The following NSUN4 variants were observed in gnomAD, a reference collection of about 807,000 sequenced individuals.
NSUN4 encodes the protein 5-cytosine rRNA methyltransferase NSUN4.
Under a neutral mutation model 43.8 loss-of-function variants are expected in NSUN4, and 31 were observed. That is an observed-to-expected ratio of 0.71 (90% CI 0.53 to 0.96). The LOEUF (loss-of-function observed/expected upper bound fraction) is 0.96, where lower values mean the gene tolerates loss of function less well. NSUN4 is among the 40% of genes least tolerant of loss of function. The pLI, the probability that NSUN4 is intolerant of heterozygous loss-of-function variation, is 0.00. For missense variants in NSUN4, 439 were observed against 475.6 expected (o/e 0.92, Z 0.72); for synonymous variants, 167 against 184.1 (o/e 0.91, Z 0.75).
intron 3 of NSUN4, among the ~76,000 whole-genome samples, chr1:46,349,824 T>G (rs1248124783): frequency 6.6e-6 from 1 of 152,190 alleles, no homozygotes; most frequent in Non-Finnish European, 1.5e-5. Flanking sequence ...GACTGAATGC[T>G]GTGGGAATCC....
intron 3 of NSUN4, among the ~76,000 whole-genome samples, chr1:46,352,136 GA>G (rs1466694319): frequency 6.8e-6 from 1 of 146,486 alleles, no homozygotes; most frequent in Non-Finnish European, 1.5e-5. Context: ...CAGACTCAGA[GA>G]CCCTGTCTTT....
At chr1:46,379,530 G>A in the NSUN4 span, among the ~76,000 whole-genome samples, 20 of 152,112 alleles carry the variant, frequency 1.3e-4, no homozygotes, top group African/African-American at 2.7e-4. Flanking sequence ...CAGGAGAATC[G>A]CTTGAACTTG....
At chr1:46,365,539 G>A (rs542690419), downstream of NSUN4, among the ~76,000 whole-genome samples, 7 of 151,888 alleles carry the variant, frequency 4.6e-5, no homozygotes, top group Middle Eastern at 3.4e-3. Flanking sequence ...ACGGGGTTTC[G>A]CCATGTTGGC....
At chr1:46,342,377 A>C in intron 1 of NSUN4, 1 of 398,844 alleles carries the variant, frequency 2.5e-6, no homozygotes, top group Non-Finnish European at 4.4e-6. Flanking sequence ...CTCCCAGCTC[A>C]CCTCAGGAGG....
chr1:46,348,189 A>G (rs1662664347), intron 3 of NSUN4, among the ~76,000 whole-genome samples: 1 of 151,870 alleles, frequency 6.6e-6, no homozygotes, highest in African/African-American at 2.4e-5. Flanking sequence ...CCCTTGTGTC[A>G]AGTACTCACT....
chr1:46,343,489 G>A (rs191638634), intron 1 of NSUN4: 340 of 399,586 alleles, frequency 8.5e-4, no homozygotes, highest in Non-Finnish European at 1.3e-3. Context: ...ACCAATCCCA[G>A]CTGTAGTTCG....
intron 4 of NSUN4, among the ~76,000 whole-genome samples, chr1:46,358,398 A>ATTTTTTTTTTTTTTTTTTTTTTTT (rs34719174): frequency 2.1e-5 from 2 of 95,456 alleles, no homozygotes. Context: ...TCCTGGCCTA[A>ATTTTTTTTTTTTTTTTTTTTTTTT]TTTTTTTTTT....
At chr1:46,380,305 G>T in the NSUN4 span, among the ~76,000 whole-genome samples, 1 of 152,188 alleles carries the variant, frequency 6.6e-6, no homozygotes, top group Non-Finnish European at 1.5e-5. Flanking sequence ...ACTTACCAGG[G>T]TCTGCTAGAG....
At chr1:46,358,560 C>A (rs1663569026) in intron 4 of NSUN4, among the ~76,000 whole-genome samples, 1 of 151,690 alleles carries the variant, frequency 6.6e-6, no homozygotes, top group Non-Finnish European at 1.5e-5. Context: ...TGCCACCACA[C>A]CCAGCTAATT....
At chr1:46,354,362 G>GTGC (rs1326193297) in intron 4 of NSUN4, among the ~76,000 whole-genome samples, 1 of 152,124 alleles carries the variant, frequency 6.6e-6, no homozygotes, top group Admixed American at 6.5e-5. Context: ...TCCTCCCAAA[G>GTGC]TGCTGGGATT....
At chr1:46,360,898 C>A in intron 5 of NSUN4, 70 bp downstream of exon 5, 1 of 1,553,038 alleles carries the variant, frequency 6.4e-7, no homozygotes, top group Non-Finnish European at 8.8e-7. Flanking sequence ...ACTGGAAGCT[C>A]TTACCAAGAC....
the NSUN4 span, among the ~76,000 whole-genome samples, chr1:46,376,761 C>T: frequency 6.6e-6 from 1 of 150,646 alleles, no homozygotes; most frequent in African/African-American, 2.4e-5. Context: ...AACACACTTA[C>T]TAGGTTTTTT....
chr1:46,360,180 G>T (rs1337937264), intron 4 of NSUN4, among the ~76,000 whole-genome samples: 3 of 133,770 alleles, frequency 2.2e-5, no homozygotes, highest in Non-Finnish European at 4.6e-5. Context: ...AGTGAGCCGA[G>T]ATTGCGCCAC....
chr1:46,377,764 T>G, the NSUN4 span, among the ~76,000 whole-genome samples: 2 of 152,214 alleles, frequency 1.3e-5, no homozygotes, highest in Admixed American at 1.3e-4. Flanking sequence ...TCCCGAACAT[T>G]AAGTCATTTA....
chr1:46,350,780 T>C (rs1258068320), intron 3 of NSUN4, among the ~76,000 whole-genome samples: 1 of 152,204 alleles, frequency 6.6e-6, no homozygotes, highest in Non-Finnish European at 1.5e-5. Context: ...AGCTCCCTTT[T>C]TCCTTTTGCA....
At chr1:46,346,872 G>A (rs766584326) in intron 2 of NSUN4, 49 bp from the exon 3 acceptor site, 36 of 1,544,570 alleles carry the variant, frequency 2.3e-5, no homozygotes, top group Non-Finnish European at 3.0e-5. Context: ...GACTCCCAGT[G>A]GGTGTCCTGA....
chr1:46,352,201 A>G (rs1170668445), intron 3 of NSUN4, among the ~76,000 whole-genome samples: 1 of 150,238 alleles, frequency 6.7e-6, no homozygotes, highest in Admixed American at 6.6e-5. Context: ...CTGTAATCCT[A>G]GCACTTTGGG....
chr1:46,345,904 C>A (rs953842678), intron 2 of NSUN4, among the ~76,000 whole-genome samples: 2 of 152,102 alleles, frequency 1.3e-5, no homozygotes, highest in South Asian at 4.1e-4. Context: ...AATCCTAGCA[C>A]TTTGTGAGGC....
intron 1 of NSUN4, chr1:46,341,654 A>G (rs1221803733): frequency 6.6e-6 from 8 of 1,205,996 alleles, no homozygotes; most frequent in Admixed American, 4.5e-5. Context: ...TTCCACCCCC[A>G]CAACCTTCCT....
Sources: allele counts gnomAD v4.1 joint callset (sites outside exome capture counted in the v4.1 genomes callset), GRCh38; gene constraint gnomAD v4.1.1; transcripts MANE v1.5; gene names NCBI Gene and HGNC (gene_info 2026-07-23, HGNC 2026-07-21).